Variants in SPAG17 observed in about 807,000 individuals in gnomAD.
SPAG17 encodes the protein sperm-associated antigen 17.
A neutral mutation model predicts 273.6 loss-of-function variants in SPAG17; 169 were observed. The observed-to-expected ratio is 0.62, with a 90% CI of 0.55 to 0.70. SPAG17 has a LOEUF of 0.70. Ranked by LOEUF, SPAG17 falls within the 30% of genes least tolerant of loss-of-function variation. The probability of loss-of-function intolerance (pLI) is 0.00; values close to 1 mark genes in which losing one functional copy is unlikely to be tolerated. For synonymous variants in SPAG17, 825 were observed against 873.2 expected, an observed-to-expected ratio of 0.94 and a Z score of 0.97; for missense variants, 2,557 against 2,627.8, an observed-to-expected ratio of 0.97 and a Z score of 0.59.
chr1:118,022,908 T>A (rs756847810), intron 28 of SPAG17, among the ~76,000 whole-genome samples: 1 of 152,132 alleles, frequency 6.6e-6, no homozygotes, highest in Non-Finnish European at 1.5e-5. Context: ...TTCTTGGAAG[T>A]TGCTGAATGA....
chr1:118,055,922 A>G lies in SPAG17; in HGVS notation c.2541-8T>C, dbSNP rs1234987992. ...ACAAGTTCCAAATAATTCCTAAACA[A>G]ACCAATAGCAGACGTCAATTGAGTT... On this transcript the variant is annotated splice_polypyrimidine_tract_variant and splice_region_variant and intron_variant, in intron 18 of 48. Coordinates refer to ENST00000336338, the MANE Select transcript of SPAG17 (RefSeq NM_206996.4). The G allele has an allele frequency of 2.5e-6, 4 of 1,596,316 alleles. No homozygotes were observed. The highest frequency in any genetic ancestry group is 2.3e-5 in the South Asian group (2 of 87,818).
chr1:118,148,403 C>T (rs1659180610), intron 3 of SPAG17, among the ~76,000 whole-genome samples: 1 of 152,184 alleles, frequency 6.6e-6, no homozygotes, highest in African/African-American at 2.4e-5. Context: ...GAACCTGCTG[C>T]AAGGTGCTAG....
intron 17 of SPAG17, among the ~76,000 whole-genome samples, chr1:118,071,335 A>C (rs1653561603): frequency 6.6e-6 from 1 of 152,238 alleles, no homozygotes; most frequent in Non-Finnish European, 1.5e-5. Flanking sequence ...AGAGGACTTT[A>C]ATATCCTCAT....
At chr1:117,957,108 G>T in intron 48 of SPAG17, 1 of 1,609,334 alleles carries the variant, frequency 6.2e-7, no homozygotes, top group Non-Finnish European at 8.5e-7. Context: ...TTTCTCTTAT[G>T]TCCCAGACAT....
At chr1:118,135,861 T>A (rs954296657) in intron 3 of SPAG17, among the ~76,000 whole-genome samples, 1 of 152,198 alleles carries the variant, frequency 6.6e-6, no homozygotes, top group African/African-American at 2.4e-5. Flanking sequence ...TTTAAGCAGG[T>A]TAAAGTTAAT....
chr1:118,171,651 G>A (rs185485184), intron 1 of SPAG17, among the ~76,000 whole-genome samples: 15 of 152,232 alleles, frequency 9.9e-5, no homozygotes, highest in Admixed American at 7.2e-4. Flanking sequence ...GGTTTTAAGC[G>A]ACACTTTAAT....
At chr1:117,964,030 C>A in intron 47 of SPAG17, 92 bp from the exon 48 acceptor site, 1 of 1,409,730 alleles carries the variant, frequency 7.1e-7, no homozygotes, top group Non-Finnish European at 9.7e-7. Context: ...AATTTCTTCT[C>A]TGGCAACATC....
At chr1:118,173,910 T>C (rs1045320045) in intron 1 of SPAG17, among the ~76,000 whole-genome samples, 2 of 147,792 alleles carry the variant, frequency 1.4e-5, no homozygotes, top group African/African-American at 5.0e-5. Flanking sequence ...AATGCATGCA[T>C]GCCCAGAAAA....
chr1:117,967,119 C>G (rs1441302828), intron 46 of SPAG17, among the ~76,000 whole-genome samples: 2 of 151,864 alleles, frequency 1.3e-5, no homozygotes, highest in Non-Finnish European at 2.9e-5. Flanking sequence ...GTGAAATCTG[C>G]AATAGCGGCT....
At position 118,170,650 on chromosome 1, in the gene SPAG17, C is replaced by T. The variant is rs138224385; in HGVS notation, c.87+14421G>A. ...GCTTTTGACGTGGATATTATTGTCT[C>T]TATCTGACAAAAGGAGAATAAATCT... On this transcript the variant is annotated intron_variant, in intron 1 of 48. Coordinates refer to ENST00000336338, the MANE Select transcript of SPAG17 (RefSeq NM_206996.4). Among the ~76,000 whole-genome samples, 63 of 152,286 alleles carry T rather than the reference C, an allele frequency of 4.1e-4. No individual in the cohort carries two copies. The East Asian group carries it at 0.012, about 28-fold the overall frequency.
Position 118,097,691 on chromosome 1 carries a change from G to T in SPAG17, c.990C>A (p.Asp330Glu). 1 of 1,603,736 alleles carries T rather than the reference G, an allele frequency of 6.2e-7. No homozygotes were observed. Among genetic ancestry groups the T allele is most frequent in the Non-Finnish European group, 8.5e-7 (1 of 1,176,560 alleles). Reference sequence around the variant, plus strand: ...TAACCATCATCTCACCATCTGACCAGTCAGAAGGAAAATCAGCTGCTTTGA... The same window carrying T: ...TAACCATCATCTCACCATCTGACCATTCAGAAGGAAAATCAGCTGCTTTGA... ...YMVKAADFPS[D>E]WSDGEMMLKL... Residue 330 changes from aspartate to glutamate, a missense_variant, in exon 7 of 49, where the codon GAC (aspartate) becomes GAA (glutamate). Physicochemically the swap from Asp to Glu is conservative, Grantham distance 45. Coordinates refer to ENST00000336338, the MANE Select transcript of SPAG17 (RefSeq NM_206996.4).
chr1:117,960,294 G>A (rs562375891), intron 48 of SPAG17: 1 of 152,246 alleles, frequency 6.6e-6, no homozygotes, highest in South Asian at 2.1e-4. Context: ...CTAGTAGCCT[G>A]TTATTGACTG....
At chr1:117,972,742 T>C (rs1654705779) in intron 44 of SPAG17, among the ~76,000 whole-genome samples, 1 of 151,584 alleles carries the variant, frequency 6.6e-6, no homozygotes, top group African/African-American at 2.4e-5. Context: ...TACAATAAAT[T>C]TTGTGATGAA....
chr1:118,151,888 C>T (rs1479427731), intron 1 of SPAG17, among the ~76,000 whole-genome samples: 1 of 152,160 alleles, frequency 6.6e-6, no homozygotes. Context: ...AATCTTACTG[C>T]TAATTACACT....
intron 25 of SPAG17, among the ~76,000 whole-genome samples, chr1:118,030,505 T>C (rs554889992): frequency 6.6e-6 from 1 of 152,192 alleles, no homozygotes; most frequent in Non-Finnish European, 1.5e-5. Context: ...CATGGTGGCA[T>C]GGTGGTTTGC....
intron 4 of SPAG17, 144 bp from the exon 5 acceptor site, chr1:118,102,070 G>A (rs1030811772): frequency 1.4e-6 from 1 of 727,346 alleles, no homozygotes; most frequent in Non-Finnish European, 2.2e-6. Context: ...AGTCAGCATA[G>A]TGGAGATTCC....
At chr1:118,115,960 T>C (rs956886656) in intron 3 of SPAG17, among the ~76,000 whole-genome samples, 8 of 152,350 alleles carry the variant, frequency 5.3e-5, no homozygotes, top group Middle Eastern at 6.8e-3. Flanking sequence ...AGGCGCCATA[T>C]GAATGTTGCT....
intron 24 of SPAG17, among the ~76,000 whole-genome samples, chr1:118,033,870 TTCTCTC>T (rs1386484485): frequency 2.0e-5 from 3 of 152,228 alleles, no homozygotes; most frequent in African/African-American, 7.2e-5. Flanking sequence ...ATGCTACAAT[TTCTCTC>T]AAGTATGTGT....
At chr1:118,053,759 A>G in intron 20 of SPAG17, among the ~76,000 whole-genome samples, 1 of 152,206 alleles carries the variant, frequency 6.6e-6, no homozygotes, top group East Asian at 1.9e-4. Flanking sequence ...AAAAAATGAC[A>G]GCGTTTTTAA....
Sources: gnomAD v4.1 joint callset for allele counts (sites outside exome capture counted in the v4.1 genomes callset) on GRCh38, gnomAD v4.1.1 for gene constraint, MANE v1.5 for transcripts, NCBI Gene and HGNC (gene_info 2026-07-23, HGNC 2026-07-21) for gene names.